The following ERBB4 variants were observed in gnomAD, a reference collection of about 807,000 sequenced individuals.
ERBB4 encodes the protein receptor tyrosine-protein kinase erbB-4.
Under a neutral mutation model 158.0 loss-of-function variants are expected in ERBB4, and 42 were observed. The observed-to-expected ratio is 0.27, with a 90% CI of 0.21 to 0.34. ERBB4 has a LOEUF of 0.34. ERBB4 is among the 10% of genes least tolerant of loss of function. The pLI is 1.00. For synonymous variants in ERBB4, 583 were observed against 558.7 expected (o/e 1.04, Z -0.61); for missense variants, 1,333 against 1,624.1 (o/e 0.82, Z 3.08).
intron 1 of ERBB4, among the ~76,000 whole-genome samples, chr2:212,474,316 C>T (rs150784614): frequency 7.9e-5 from 12 of 151,828 alleles, no homozygotes; most frequent in East Asian, 1.9e-4. Context: ...GAGGCATAAA[C>T]GAGTAATAAG....
intron 19 of ERBB4, among the ~76,000 whole-genome samples, chr2:211,594,204 A>C (rs1023783137): frequency 5.9e-5 from 9 of 152,166 alleles, no homozygotes; most frequent in African/African-American, 1.7e-4. Flanking sequence ...TGGGAGACCG[A>C]GGAGGGCTGA....
At chr2:212,436,952 G>A (rs988957086) in intron 1 of ERBB4, among the ~76,000 whole-genome samples, 2 of 152,022 alleles carry the variant, frequency 1.3e-5, no homozygotes, top group African/African-American at 4.8e-5. Context: ...CTAGAAAAGA[G>A]TGGGTTGGAG....
chr2:211,870,055 T>C (rs1279900696), intron 3 of ERBB4, among the ~76,000 whole-genome samples: 1 of 152,172 alleles, frequency 6.6e-6, no homozygotes, highest in East Asian at 1.9e-4. Flanking sequence ...CTTCCTTTTC[T>C]TTCTCCAATT....
At chr2:211,954,328 T>G (rs2080967552) in intron 2 of ERBB4, among the ~76,000 whole-genome samples, 2 of 152,040 alleles carry the variant, frequency 1.3e-5, no homozygotes, top group African/African-American at 2.4e-5. Context: ...TATGTAAAAC[T>G]CTTATTCCTA....
chr2:212,453,478 T>G (rs943817575), intron 1 of ERBB4, among the ~76,000 whole-genome samples: 1 of 152,214 alleles, frequency 6.6e-6, no homozygotes, highest in Non-Finnish European at 1.5e-5. Flanking sequence ...ATTGCACTTG[T>G]TAGGTTCAGT....
rs1023625515 is a variant in ERBB4 at position 211,630,652 on chromosome 2, G to A, written c.1947-58C>T. 34 of 1,428,364 alleles carry A rather than the reference G, an allele frequency of 2.4e-5. No individual in the cohort carries two copies. The African/African-American group carries it at 4.4e-4, about 18-fold the overall frequency. 88.5% of individuals were successfully genotyped at this position (1,428,364 alleles called of 1,614,324 possible). A position where few individuals can be genotyped will look rare whatever the true frequency, so the allele number is the denominator to read the frequency against. On this transcript the variant is annotated intron_variant, in intron 16 of 27. Transcript: ENST00000342788. ...AAGTATGAAGAGAGAGAAGACAGAGGAAGAGAAAAGAGCAGTTGTACAAGA... is the reference window on the plus strand; with the variant it reads ...AAGTATGAAGAGAGAGAAGACAGAGAAAGAGAAAAGAGCAGTTGTACAAGA...
rs187380158 is a variant in ERBB4 at position 212,320,643 on chromosome 2, G to A, written c.83-195740C>T. On this transcript the variant is annotated intron_variant, in intron 1 of 27. Coordinates refer to ENST00000342788, the MANE Select transcript of ERBB4 (RefSeq NM_005235.3). Reference sequence around the variant, plus strand: ...AAAGGCTTGAGGGTGCTACCAAAAAGACAAGCATTGGGACACAGAAAGCCA... The same window carrying A: ...AAAGGCTTGAGGGTGCTACCAAAAAAACAAGCATTGGGACACAGAAAGCCA... Among the ~76,000 whole-genome samples the A allele has an allele frequency of 2.9e-3, 436 of 149,866 alleles. 7 individuals carry two copies. The highest frequency in any genetic ancestry group is 9.8e-3 in the African/African-American group (403 of 41,266).
intron 2 of ERBB4, among the ~76,000 whole-genome samples, chr2:211,965,881 T>C (rs1407654667): frequency 6.6e-6 from 1 of 152,204 alleles, no homozygotes; most frequent in Non-Finnish European, 1.5e-5. Context: ...CATATTTATC[T>C]TTATCACATT....
rs532817549 is a variant in ERBB4, at chr2:211,763,775, A to G, written c.557-13071T>C. 9.2e-5 allele frequency among the ~76,000 whole-genome samples: 14 copies of G among 152,158 alleles called. No individual in the cohort carries two copies. The South Asian group carries it at 2.9e-3, about 32-fold the overall frequency. ...ATTGGAAAAGATTAGGTAGCTCCAC[A>G]CCACAATATTAAACAAAGTCTTCTG... On this transcript the variant is annotated intron_variant, in intron 4 of 27. Transcript: ENST00000342788.
rs556277977 is a variant in ERBB4 at position 212,285,827 on chromosome 2, C to T, written c.83-160924G>A. ...TTCGAGTAGAATAGATTTTATATAA[C>T]TCTAGACTCTCTAATATTCAGGCTC... is the stretch of plus-strand genomic sequence containing the variant. On this transcript the variant is annotated intron_variant, in intron 1 of 27. Transcript: ENST00000342788. Among the ~76,000 whole-genome samples, 5 of 152,188 alleles carry T rather than the reference C, an allele frequency of 3.3e-5. No homozygotes were observed. In the South Asian group the frequency reaches 1.0e-3, roughly 32 times the overall value.
At chr2:212,452,034 T>C (rs1004003905) in intron 1 of ERBB4, among the ~76,000 whole-genome samples, 2 of 151,482 alleles carry the variant, frequency 1.3e-5, no homozygotes, top group East Asian at 3.9e-4. Context: ...TTTCCAGATA[T>C]TTATCAGAGG....
intron 1 of ERBB4, among the ~76,000 whole-genome samples, chr2:212,439,451 T>G (rs1205418071): frequency 6.6e-6 from 1 of 152,094 alleles, no homozygotes; most frequent in Non-Finnish European, 1.5e-5. Flanking sequence ...CTAGAAGACA[T>G]CCATTGGTTA....
rs2092235787 is a variant in ERBB4 at position 212,440,703 on chromosome 2, T to C, written c.82+97746A>G. The stretch of plus-strand genomic sequence containing the variant: ...ATCATATGGAGAACACTGATAGTAC[T>C]TGACATGAACTGTTTAGAGAGTTAT... On this transcript the variant is annotated intron_variant, in intron 1 of 27. Transcript: ENST00000342788. Among the ~76,000 whole-genome samples, 5 of 152,296 alleles carry C rather than the reference T, an allele frequency of 3.3e-5. No homozygotes were observed. The South Asian group carries it at 1.0e-3, about 32-fold the overall frequency.
intron 1 of ERBB4, among the ~76,000 whole-genome samples, chr2:212,412,626 G>A (rs949834714): frequency 6.6e-6 from 1 of 152,092 alleles, no homozygotes; most frequent in Non-Finnish European, 1.5e-5. Flanking sequence ...TTCCTTCACA[G>A]TAACTCAAGA....
intron 1 of ERBB4, among the ~76,000 whole-genome samples, chr2:212,413,910 C>T (rs1320592279): frequency 5.9e-5 from 9 of 152,086 alleles, no homozygotes; most frequent in Non-Finnish European, 7.4e-5. Context: ...CTACTCAAGT[C>T]ATAGCTATAG....
intron 12 of ERBB4, among the ~76,000 whole-genome samples, chr2:211,680,762 T>C (rs1332926130): frequency 6.6e-6 from 1 of 152,234 alleles, no homozygotes; most frequent in African/African-American, 2.4e-5. Context: ...AAAGCAGACT[T>C]AGATCTATCA....
At chr2:212,391,690 TTATATTATATATTA>T (rs2090866982) in intron 1 of ERBB4, among the ~76,000 whole-genome samples, 1 of 129,088 alleles carries the variant, frequency 7.7e-6, no homozygotes, top group Non-Finnish European at 1.7e-5. Context: ...ATTATATATA[TTATATTATATATTA>T]TATATATTGA....
intron 1 of ERBB4, among the ~76,000 whole-genome samples, chr2:212,468,800 T>C (rs1021922567): frequency 2.6e-5 from 4 of 152,146 alleles, no homozygotes; most frequent in Non-Finnish European, 5.9e-5. Context: ...AAAGGAGAAT[T>C]ATAAACATCC....
chr2:211,627,176 A>G (rs2069892405), intron 17 of ERBB4, among the ~76,000 whole-genome samples: 1 of 152,150 alleles, frequency 6.6e-6, no homozygotes, highest in African/African-American at 2.4e-5. Flanking sequence ...GTAGTTTACA[A>G]TACTTCATTT....
Sources: gnomAD v4.1 joint callset for allele counts (sites outside exome capture counted in the v4.1 genomes callset) on GRCh38, gnomAD v4.1.1 for gene constraint, MANE v1.5 for transcripts, NCBI Gene and HGNC (gene_info 2026-07-23, HGNC 2026-07-21) for gene names.